The following RPS6KA6 variants were observed in gnomAD, a reference collection of about 807,000 sequenced individuals.
The protein encoded by RPS6KA6 is ribosomal protein S6 kinase A6.
A neutral mutation model predicts 65.4 loss-of-function variants in RPS6KA6; 27 were observed. The ratio of observed to expected loss-of-function variants is 0.41; its 90% confidence interval spans 0.30 to 0.57. The LOEUF is 0.57. Among genes scored for constraint, RPS6KA6 ranks in the 20% least tolerant of loss-of-function variants. The probability of loss-of-function intolerance (pLI) is 0.24; values close to 1 mark genes in which losing one functional copy is unlikely to be tolerated. For synonymous variants in RPS6KA6, 190 were observed against 184.2 expected, an observed-to-expected ratio of 1.03 and a Z score of -0.26; for missense variants, 486 against 555.6, an observed-to-expected ratio of 0.87 and a Z score of 1.26.
chrX:84,081,224 C>T (rs1178939247), intron 20 of RPS6KA6, among the ~76,000 whole-genome samples: 1 of 110,483 alleles, frequency 9.1e-6, no homozygotes, highest in Non-Finnish European at 1.9e-5. Context: ...CTGCTAGCCA[C>T]ACTATTAAAG....
rs752615684 is a variant in RPS6KA6 at position 84,116,260 on chromosome X, C to T, written c.977G>A (p.Arg326Lys). 1.8e-6 allele frequency: 2 copies of T among 1,132,748 alleles called. No homozygotes were observed. The highest frequency in any genetic ancestry group is 6.1e-5 in the East Asian group (2 of 32,726). 93.4% of individuals were successfully genotyped at this position (1,132,748 alleles called of 1,213,427 possible). The change falls in exon 12 of 22, where the codon AGA becomes AAA. Residue 326 changes from arginine (R) to lysine (K), a missense_variant. This residue lies in a region of RPS6KA6 where 345 missense variants were observed against 375.0 expected (regional missense o/e 0.92). Coordinates refer to ENST00000262752, the MANE Select transcript of RPS6KA6 (RefSeq NM_014496.5). ...GTCAATATTTGCAAAAAACAGATGTCTTTTGATTTCTTCAACTCCTTCTGA... is the reference window on the plus strand; with the variant it reads ...GTCAATATTTGCAAAAAACAGATGTTTTTTGATTTCTTCAACTCCTTCTGA... ...LGSEGVEEIK[R>K]HLFFANIDWD...
chrX:84,155,617 T>C (rs1320879816), intron 3 of RPS6KA6, among the ~76,000 whole-genome samples: 1 of 112,293 alleles, frequency 8.9e-6, no homozygotes, highest in Non-Finnish European at 1.9e-5. Flanking sequence ...TGTTCTACTT[T>C]ACACACCCTT....
At chrX:84,070,930 A>C (rs1000914627) in intron 20 of RPS6KA6, among the ~76,000 whole-genome samples, 9 of 111,863 alleles carry the variant, frequency 8.0e-5, no homozygotes, top group Middle Eastern at 4.6e-3. Context: ...AAAAAACATA[A>C]AATATATAAT....
chrX:84,142,685 A>G (rs2035127298), intron 6 of RPS6KA6, among the ~76,000 whole-genome samples: 1 of 111,414 alleles, frequency 9.0e-6, no homozygotes, highest in Admixed American at 9.6e-5. Context: ...TTCCACAACT[A>G]CAAAAAGGAC....
At chrX:84,070,566 A>G (rs1339895470) in intron 20 of RPS6KA6, among the ~76,000 whole-genome samples, 2 of 109,359 alleles carry the variant, frequency 1.8e-5, no homozygotes, top group Non-Finnish European at 3.8e-5. Flanking sequence ...AAAATTAACC[A>G]AAAAAAAACT....
At chrX:84,168,285 G>T (rs1199577951) in intron 1 of RPS6KA6, among the ~76,000 whole-genome samples, 1 of 111,303 alleles carries the variant, frequency 9.0e-6, no homozygotes, top group Non-Finnish European at 1.9e-5. Context: ...TTACTAACAT[G>T]ATTCACGTTT....
Position 84,187,925 on chromosome X carries a change from G to T in RPS6KA6, c.-26C>A, listed in dbSNP as rs780497124. Reference sequence around the variant, plus strand: ...CTCCCCTTCAGGAGCACTCAAACAGGAGCTGCCGCCTACCGCTGGCGCGGC... The same window carrying T: ...CTCCCCTTCAGGAGCACTCAAACAGTAGCTGCCGCCTACCGCTGGCGCGGC... On this transcript the variant is annotated 5_prime_UTR_variant, in exon 1 of 22. Coordinates refer to ENST00000262752, the MANE Select transcript of RPS6KA6 (RefSeq NM_014496.5). 1.7e-5 allele frequency: 19 copies of T among 1,151,043 alleles called. No individual in the cohort carries two copies. Among genetic ancestry groups the T allele is most frequent in the Non-Finnish European group, 2.2e-5 (19 of 857,340 alleles). 94.9% of individuals were successfully genotyped at this position (1,151,043 alleles called of 1,213,427 possible).
At chrX:84,170,252 ACTT>A (rs939703864) in intron 1 of RPS6KA6, among the ~76,000 whole-genome samples, 1 of 110,600 alleles carries the variant, frequency 9.0e-6, no homozygotes, top group African/African-American at 3.3e-5. Context: ...TGTAAAGAAG[ACTT>A]CTTCTATTCA....
At chrX:84,187,694 A>T in intron 1 of RPS6KA6, 125 bp downstream of exon 1, 1 of 625,732 alleles carries the variant, frequency 1.6e-6, no homozygotes, top group Non-Finnish European at 2.4e-6. Context: ...TGGAGGCAGC[A>T]TCAAGGGGGC....
At chrX:84,183,625 C>T (rs1029095942) in intron 1 of RPS6KA6, among the ~76,000 whole-genome samples, 2 of 111,864 alleles carry the variant, frequency 1.8e-5, no homozygotes, top group African/African-American at 6.5e-5. Flanking sequence ...TCCCACATCA[C>T]AGACTTACAA....
At chrX:84,130,943 T>C (rs2034885164) in intron 8 of RPS6KA6, among the ~76,000 whole-genome samples, 1 of 112,053 alleles carries the variant, frequency 8.9e-6, no homozygotes, top group Non-Finnish European at 1.9e-5. Flanking sequence ...CTGTACGCAT[T>C]TGTCAAAACT....
At chrX:84,095,732 T>A (rs1303464914) in intron 20 of RPS6KA6, among the ~76,000 whole-genome samples, 1 of 111,999 alleles carries the variant, frequency 8.9e-6, no homozygotes, top group Non-Finnish European at 1.9e-5. Context: ...ATATTTCTAC[T>A]GGACCACTCT....
At position 84,116,316 on chromosome X, in the gene RPS6KA6, T is replaced by C. The variant is rs749777657; in HGVS notation, c.950-29A>G. ...TAAAAAAAAGAAATGATATTTTATT[T>C]TTATGATTTTTTTTAGTCTTGCTCC... On this transcript the variant is annotated intron_variant, in intron 11 of 21. Transcript: ENST00000262752. The C allele has an allele frequency of 5.3e-6, 5 of 935,113 alleles. No homozygotes were observed. The African/African-American group carries it at 1.0e-4, about 19-fold the overall frequency. The allele number at this position is 935,113 out of a possible 1,213,427, so 77.1% of individuals were successfully genotyped here.
intron 8 of RPS6KA6, among the ~76,000 whole-genome samples, chrX:84,129,243 G>C (rs1350948940): frequency 9.0e-6 from 1 of 111,018 alleles, no homozygotes; most frequent in Non-Finnish European, 1.9e-5. Context: ...CATATGAAAA[G>C]GTGCTCAACA....
chrX:84,143,329 T>C (rs2147536925), intron 6 of RPS6KA6, among the ~76,000 whole-genome samples: 1 of 111,561 alleles, frequency 9.0e-6, no homozygotes, highest in Non-Finnish European at 1.9e-5. Context: ...AATCTATTTC[T>C]AAAAGCTGCT....
At chrX:84,088,876 G>A (rs1013206212) in intron 20 of RPS6KA6, among the ~76,000 whole-genome samples, 1 of 112,238 alleles carries the variant, frequency 8.9e-6, no homozygotes, top group Non-Finnish European at 1.9e-5. Context: ...ATAGATCAGG[G>A]TCCCAGTTAT....
chrX:84,146,441 T>C (rs768212344), intron 5 of RPS6KA6, among the ~76,000 whole-genome samples: 97 of 111,666 alleles, frequency 8.7e-4, no homozygotes, highest in Non-Finnish European at 1.5e-3. Context: ...CTCAACCATA[T>C]GTTAAATTAG....
intron 4 of RPS6KA6, 62 bp downstream of exon 4, chrX:84,147,980 C>T: frequency 4.5e-6 from 3 of 670,195 alleles, no homozygotes; most frequent in Non-Finnish European, 6.8e-6. Flanking sequence ...AAGTAATACA[C>T]AGCATATTTC....
chrX:84,090,462 G>T lies in RPS6KA6; in HGVS notation c.1971+5732C>A, dbSNP rs765290640. Among the ~76,000 whole-genome samples, 317 of 110,164 alleles carry T rather than the reference G, an allele frequency of 2.9e-3. 3 individuals are homozygous for T. The highest frequency in any genetic ancestry group is 1.0e-2 in the African/African-American group (305 of 30,592). On this transcript the variant is annotated intron_variant, in intron 20 of 21. Coordinates refer to ENST00000262752, the MANE Select transcript of RPS6KA6 (RefSeq NM_014496.5). ...TAGTACAGATCATGTAAAGGATAAT[G>T]TATTAGTCCATTCTCACACTGCTAT...
Sources: allele counts gnomAD v4.1 joint callset (sites outside exome capture counted in the v4.1 genomes callset), GRCh38; gene constraint gnomAD v4.1.1; regional missense constraint gnomAD v4.1.1; transcripts MANE v1.5; gene names NCBI Gene and HGNC (gene_info 2026-07-23, HGNC 2026-07-21).